The following GRID2 variants were observed in gnomAD, a reference collection of about 807,000 sequenced individuals.
GRID2 encodes glutamate receptor ionotropic, delta-2.
A neutral mutation model predicts 114.8 loss-of-function variants in GRID2; 33 were observed. That is an observed-to-expected ratio of 0.29 (90% CI 0.22 to 0.38). The LOEUF (loss-of-function observed/expected upper bound fraction) is 0.38, where lower values mean the gene tolerates loss of function less well. GRID2 is among the 10% of genes least tolerant of loss of function. The pLI is 1.00. For missense variants in GRID2, 1,184 were observed against 1,257.7 expected (o/e 0.94, Z 0.89); for synonymous variants, 505 against 449.9 (o/e 1.12, Z -1.55).
Position 93,369,626 on chromosome 4 carries a change from G to A in GRID2, c.1246-25981G>A, listed in dbSNP as rs1176808085. 3.9e-5 allele frequency among the ~76,000 whole-genome samples: 6 copies of A among 152,086 alleles called. No individual in the cohort carries two copies. The East Asian group carries it at 1.2e-3, about 30-fold the overall frequency. ...ACCTCAGCCTCCCAAGTAGTTTAGA[G>A]GACAGGTGCATGCCACCACACACAG... is the stretch of plus-strand genomic sequence containing the variant. On this transcript the variant is annotated intron_variant, in intron 8 of 15. Coordinates refer to ENST00000282020, the MANE Select transcript of GRID2 (RefSeq NM_001510.4).
chr4:93,296,373 A>G (rs1415509863), intron 8 of GRID2, among the ~76,000 whole-genome samples: 1 of 132,632 alleles, frequency 7.5e-6, no homozygotes, highest in African/African-American at 2.8e-5. Context: ...GTAGAGACCC[A>G]TTTTCCTTGA....
intron 1 of GRID2, among the ~76,000 whole-genome samples, chr4:92,514,926 G>A (rs1192520229): frequency 6.6e-6 from 1 of 151,800 alleles, no homozygotes; most frequent in Non-Finnish European, 1.5e-5. Flanking sequence ...TAGAGGTTGT[G>A]GCTCAGTATG....
At chr4:92,685,812 T>G (rs1733870734) in intron 2 of GRID2, among the ~76,000 whole-genome samples, 1 of 152,076 alleles carries the variant, frequency 6.6e-6, no homozygotes, top group Non-Finnish European at 1.5e-5. Context: ...AGGCAGTCCT[T>G]GGAACTATAG....
chr4:92,364,980 T>C (rs1244203032), intron 1 of GRID2, among the ~76,000 whole-genome samples: 1 of 152,056 alleles, frequency 6.6e-6, no homozygotes, highest in Non-Finnish European at 1.5e-5. Context: ...AGTAGTGGTT[T>C]CCCAGCAAAA....
chr4:93,499,735 A>G (rs1429711532), intron 12 of GRID2, among the ~76,000 whole-genome samples: 1 of 151,976 alleles, frequency 6.6e-6, no homozygotes, highest in Non-Finnish European at 1.5e-5. Context: ...GTACCTAACA[A>G]TAGTATGAAT....
intron 14 of GRID2, among the ~76,000 whole-genome samples, chr4:93,745,466 G>A (rs1731764532): frequency 6.6e-6 from 1 of 152,040 alleles, no homozygotes; most frequent in Admixed American, 6.6e-5. Context: ...AAAAATATAT[G>A]ACATTTTGTT....
At chr4:93,521,089 T>C (rs1345887658) in intron 13 of GRID2, among the ~76,000 whole-genome samples, 1 of 152,018 alleles carries the variant, frequency 6.6e-6, no homozygotes, top group African/African-American at 2.4e-5. Context: ...AAAGAGTAAA[T>C]GTGGGGTGAA....
At chr4:93,163,387 T>TACAC in intron 4 of GRID2, among the ~76,000 whole-genome samples, 3 of 46,356 alleles carry the variant, frequency 6.5e-5, no homozygotes, top group African/African-American at 2.4e-4. Flanking sequence ...TATATATATA[T>TACAC]ATATATATAT....
chr4:92,614,022 G>A (rs1729882002), intron 2 of GRID2, among the ~76,000 whole-genome samples: 1 of 151,286 alleles, frequency 6.6e-6, no homozygotes, highest in African/African-American at 2.4e-5. Context: ...TCAAACAGTT[G>A]TTTTTCTGTG....
At chr4:93,465,443 G>A (rs1325868622) in intron 11 of GRID2, among the ~76,000 whole-genome samples, 3 of 152,132 alleles carry the variant, frequency 2.0e-5, no homozygotes, top group African/African-American at 7.2e-5. Context: ...AGACAGCTCA[G>A]TTTACAATCC....
chr4:92,936,255 A>C (rs1750665489), intron 2 of GRID2, among the ~76,000 whole-genome samples: 1 of 146,438 alleles, frequency 6.8e-6, no homozygotes, highest in African/African-American at 2.4e-5. Flanking sequence ...TAGTTCAATT[A>C]ATTAATAGCT....
intron 2 of GRID2, among the ~76,000 whole-genome samples, chr4:92,990,305 ATG>A (rs760078503): frequency 0.11 from 7,595 of 71,354 alleles, 346 homozygotes; most frequent in African/African-American, 0.18. Context: ...ATATATATAT[ATG>A]TGTGTGTGTG....
chr4:93,421,301 T>G (rs990809596), intron 9 of GRID2, among the ~76,000 whole-genome samples: 2 of 152,200 alleles, frequency 1.3e-5, no homozygotes, highest in Non-Finnish European at 2.9e-5. Flanking sequence ...GACTACAGAT[T>G]GTCTTTATTC....
chr4:93,163,645 CTG>C (rs1328710294), intron 4 of GRID2, among the ~76,000 whole-genome samples: 1 of 150,462 alleles, frequency 6.6e-6, no homozygotes, highest in African/African-American at 2.4e-5. Flanking sequence ...TTTCTTATGA[CTG>C]TATATTTTTT....
At chr4:92,617,673 T>C (rs970222845) in intron 2 of GRID2, among the ~76,000 whole-genome samples, 6 of 151,742 alleles carry the variant, frequency 4.0e-5, no homozygotes, top group Non-Finnish European at 7.4e-5. Flanking sequence ...GCATTTTTTA[T>C]TTTTTGTTAT....
At chr4:93,451,769 A>G (rs1352936253) in intron 10 of GRID2, among the ~76,000 whole-genome samples, 2 of 152,266 alleles carry the variant, frequency 1.3e-5, no homozygotes, top group East Asian at 3.9e-4. Flanking sequence ...CTCAGGAGGT[A>G]AAATCAATAA....
At chr4:92,626,665 T>C (rs1264813498) in intron 2 of GRID2, among the ~76,000 whole-genome samples, 1 of 152,086 alleles carries the variant, frequency 6.6e-6, no homozygotes, top group African/African-American at 2.4e-5. Flanking sequence ...CTTTCCCAAG[T>C]ATTTTACAAA....
intron 4 of GRID2, among the ~76,000 whole-genome samples, chr4:93,126,759 G>A (rs1050576988): frequency 2.7e-5 from 4 of 150,536 alleles, no homozygotes; most frequent in East Asian, 2.0e-4. Flanking sequence ...TACCACGCCC[G>A]GCTAATTTTT....
At chr4:92,692,909 G>T (rs528595497) in intron 2 of GRID2, among the ~76,000 whole-genome samples, 21 of 151,878 alleles carry the variant, frequency 1.4e-4, no homozygotes, top group Non-Finnish European at 2.8e-4. Flanking sequence ...TGTAATCCTA[G>T]CTACTCGGGA....
Sources: allele counts gnomAD v4.1 joint callset (sites outside exome capture counted in the v4.1 genomes callset), GRCh38; gene constraint gnomAD v4.1.1; transcripts MANE v1.5; gene names NCBI Gene and HGNC (gene_info 2026-07-23, HGNC 2026-07-21).